The following KCNK1 variants were observed in gnomAD, a reference collection of about 807,000 sequenced individuals.
KCNK1 encodes potassium channel subfamily K member 1.
In KCNK1, 10 loss-of-function variants were observed where a neutral mutation model predicts 22.2. The ratio of observed to expected loss-of-function variants is 0.45; its 90% CI spans 0.28 to 0.76. The LOEUF is 0.76. Ranked by LOEUF, KCNK1 falls within the 30% of genes least tolerant of loss-of-function variation. The probability of loss-of-function intolerance (pLI) is 0.14; values close to 1 mark genes in which losing one functional copy is unlikely to be tolerated. For synonymous variants in KCNK1, 200 were observed against 186.4 expected, an observed-to-expected ratio of 1.07 and a Z score of -0.60; for missense variants, 378 against 421.0, an observed-to-expected ratio of 0.90 and a Z score of 0.89.
intron 1 of KCNK1, among the ~76,000 whole-genome samples, chr1:233,646,361 G>A (rs1205205439): frequency 6.6e-6 from 1 of 152,124 alleles, no homozygotes; most frequent in South Asian, 2.1e-4. Context: ...GAGGCTAGGG[G>A]CAGCCAGGGT....
At chr1:233,626,665 C>T (rs1184830240) in intron 1 of KCNK1, among the ~76,000 whole-genome samples, 4 of 152,118 alleles carry the variant, frequency 2.6e-5, no homozygotes, top group African/African-American at 9.7e-5. Context: ...GTTCCCTGGG[C>T]TGATCTGCCA....
intron 1 of KCNK1, among the ~76,000 whole-genome samples, chr1:233,622,212 T>TA (rs1657600797): frequency 6.6e-6 from 1 of 152,190 alleles, no homozygotes. Context: ...TTTTGACCCA[T>TA]AAAAATGGCA....
chr1:233,668,658 T>G (rs192968347), intron 2 of KCNK1, among the ~76,000 whole-genome samples: 2 of 151,946 alleles, frequency 1.3e-5, no homozygotes, highest in Admixed American at 1.3e-4. Flanking sequence ...TAGGCTGGAG[T>G]GCAATGGCAC....
chr1:233,659,255 G>A (rs973259393), intron 1 of KCNK1, among the ~76,000 whole-genome samples: 6 of 150,486 alleles, frequency 4.0e-5, no homozygotes, highest in African/African-American at 1.5e-4. Flanking sequence ...ACTAGCCTAG[G>A]CCTACACAGG....
chr1:233,667,037 A>G (rs756938726), intron 2 of KCNK1, 47 bp downstream of exon 2: 5 of 1,115,922 alleles, frequency 4.5e-6, no homozygotes, highest in Non-Finnish European at 4.7e-6. Flanking sequence ...CCTTTATTTT[A>G]TTTATTTATT....
intron 1 of KCNK1, 105 bp from the exon 2 acceptor site, chr1:233,666,490 T>G: frequency 2.7e-6 from 3 of 1,092,584 alleles, no homozygotes; most frequent in Non-Finnish European, 3.9e-6. Context: ...GCTGTTCTCT[T>G]TGGTTTGAGG....
chr1:233,628,760 A>AAATGATAATAATAATAATAAT (rs143038696), intron 1 of KCNK1, among the ~76,000 whole-genome samples: 36 of 148,794 alleles, frequency 2.4e-4, no homozygotes, highest in African/African-American at 9.0e-4. Flanking sequence ...ACTCTGTCTC[A>AAATGATAATAATAATAATAAT]AATAATAATA....
chr1:233,662,625 G>C (rs1425320693), intron 1 of KCNK1, among the ~76,000 whole-genome samples: 1 of 152,192 alleles, frequency 6.6e-6, no homozygotes, highest in Non-Finnish European at 1.5e-5. Flanking sequence ...AATTAGAGTA[G>C]CCAGATGGGA....
In KCNK1 at chr1:233,614,443, C is replaced by G. The variant is rs758086369; in HGVS notation, c.272C>G (p.Ser91Trp). Residue 91 changes from serine to tryptophan, a missense_variant, in exon 1 of 3, where the codon TCG (serine) becomes TGG (tryptophan). Transcript: ENST00000366621. ...CTGGAGGCCAGCAACTACGGCGTGTCGGTGCTCAGCAACGCCTCGGGCAAC... is the reference window on the plus strand; with the variant it reads ...CTGGAGGCCAGCAACTACGGCGTGTGGGTGCTCAGCAACGCCTCGGGCAAC... ...RVLEASNYGV[S>W]VLSNASGNWN... The G allele has an allele frequency of 5.6e-6, 9 of 1,613,170 alleles. No homozygotes were observed. Among genetic ancestry groups the G allele is most frequent in the South Asian group, 1.1e-5 (1 of 90,862 alleles).
chr1:233,648,939 A>C (rs1302119805), intron 1 of KCNK1, among the ~76,000 whole-genome samples: 1 of 152,040 alleles, frequency 6.6e-6, no homozygotes, highest in Non-Finnish European at 1.5e-5. Flanking sequence ...TACCTTCTTT[A>C]TTCTGGGACC....
chr1:233,664,858 T>A (rs566865218), intron 1 of KCNK1, among the ~76,000 whole-genome samples: 1 of 152,350 alleles, frequency 6.6e-6, no homozygotes, highest in East Asian at 1.9e-4. Context: ...TTTTCAATTA[T>A]AATCACCTGT....
At chr1:233,633,338 A>T (rs1657838540) in intron 1 of KCNK1, among the ~76,000 whole-genome samples, 1 of 152,012 alleles carries the variant, frequency 6.6e-6, no homozygotes, top group Non-Finnish European at 1.5e-5. Context: ...GTATTATAGG[A>T]TTCTTCTGCA....
intron 1 of KCNK1, chr1:233,649,858 G>A: frequency 4.4e-6 from 2 of 453,288 alleles, no homozygotes; most frequent in Non-Finnish European, 9.1e-6. Context: ...AAATCTTTGG[G>A]CACCCAGCAA....
intron 1 of KCNK1, among the ~76,000 whole-genome samples, chr1:233,653,791 T>C (rs1422136227): frequency 6.6e-6 from 1 of 152,090 alleles, no homozygotes; most frequent in African/African-American, 2.4e-5. Context: ...CGTAATTGGA[T>C]AAGCCAATTC....
At chr1:233,639,684 A>G (rs532485748) in intron 1 of KCNK1, among the ~76,000 whole-genome samples, 4 of 152,036 alleles carry the variant, frequency 2.6e-5, no homozygotes, top group African/African-American at 9.7e-5. Context: ...GTTCAATTAC[A>G]AAAAAAACAA....
At position 233,657,468 on chromosome 1, in the gene KCNK1, C is replaced by T. The variant is rs549366855; in HGVS notation, c.356-9127C>T. 3.3e-5 allele frequency among the ~76,000 whole-genome samples: 5 copies of T among 152,228 alleles called. No individual in the cohort carries two copies. In the South Asian group the frequency reaches 1.0e-3, roughly 32 times the overall value. On this transcript the variant is annotated intron_variant, in intron 1 of 2. Transcript: ENST00000366621. ...AGTAACCTAGCAAGACATCAAATCA[C>T]AGTGTGCAGTAGATGGTACCGTTGA...
chr1:233,620,326 A>G (rs531691159), intron 1 of KCNK1, among the ~76,000 whole-genome samples: 4 of 152,362 alleles, frequency 2.6e-5, no homozygotes, highest in African/African-American at 4.8e-5. Flanking sequence ...CGCTAAGAGT[A>G]TTCTGAATAT....
At chr1:233,662,365 A>G (rs1658412761) in intron 1 of KCNK1, among the ~76,000 whole-genome samples, 1 of 152,132 alleles carries the variant, frequency 6.6e-6, no homozygotes, top group African/African-American at 2.4e-5. Context: ...ATCATACTAA[A>G]TAATGCAAAT....
chr1:233,658,024 T>TGA (rs1260591910), intron 1 of KCNK1, among the ~76,000 whole-genome samples: 2 of 152,212 alleles, frequency 1.3e-5, no homozygotes. Flanking sequence ...TCTTCATTTG[T>TGA]GAGAGTATGC....
Sources: gnomAD v4.1 joint callset for allele counts (sites outside exome capture counted in the v4.1 genomes callset) on GRCh38, gnomAD v4.1.1 for gene constraint, MANE v1.5 for transcripts, NCBI Gene and HGNC (gene_info 2026-07-23, HGNC 2026-07-21) for gene names.